ACOX1: variants seen among roughly 807,000 people sequenced by gnomAD.
ACOX1 encodes peroxisomal acyl-coenzyme A oxidase 1.
In ACOX1, 41 loss-of-function variants were observed where a neutral mutation model predicts 75.5. The ratio of observed to expected loss-of-function variants is 0.54; its 90% CI spans 0.42 to 0.70. ACOX1 has a LOEUF of 0.70. Among genes scored for constraint, ACOX1 ranks in the 30% least tolerant of loss-of-function variants. The pLI is 0.00. For missense variants in ACOX1, 630 were observed against 837.5 expected (o/e 0.75, Z 3.06); for synonymous variants, 303 against 298.8 (o/e 1.01, Z -0.15).
In ACOX1 at chr17:75,968,156, G is replaced by A. The variant is rs192513634; in HGVS notation, c.270-7781C>T. Among the ~76,000 whole-genome samples, 35 of 151,172 alleles carry A rather than the reference G, an allele frequency of 2.3e-4. No individual in the cohort carries two copies. In the East Asian group the frequency reaches 6.7e-3, roughly 29 times the overall value. ...AAGTGTTAGAAATATATTAAAGTAGGCCAAGTGCAGTGGCTCACGCCTGTA... is the reference window on the plus strand; with the variant it reads ...AAGTGTTAGAAATATATTAAAGTAGACCAAGTGCAGTGGCTCACGCCTGTA... On this transcript the variant is annotated intron_variant, in intron 2 of 13. Transcript: ENST00000293217.
rs568893695 is a variant in ACOX1, at chr17:75,949,262, C to T, written c.1683G>A (p.Leu561=). 4.3e-6 allele frequency: 7 copies of T among 1,614,216 alleles called. No individual in the cohort carries two copies. In the East Asian group the frequency reaches 1.6e-4, roughly 36 times the overall value. ...TCTGACTGATTCCATACAGAGAATA[C>T]AGCAGACATAAACTCCTTAAGACAG... The part of the protein sequence containing the change: ...IQAVLRSLCL[L]YSLYGISQNA... Residue 561 remains leucine, a synonymous_variant, in exon 12 of 14, where the codon CTG becomes CTA. Transcript: ENST00000293217.
At chr17:75,969,564 G>A (rs992564856) in intron 2 of ACOX1, among the ~76,000 whole-genome samples, 2 of 152,164 alleles carry the variant, frequency 1.3e-5, no homozygotes, top group African/African-American at 2.4e-5. Context: ...GTCCAACAGG[G>A]AAGAGAATCA....
intron 4 of ACOX1, among the ~76,000 whole-genome samples, chr17:75,956,547 G>C (rs1011947238): frequency 6.6e-6 from 1 of 151,852 alleles, no homozygotes; most frequent in Non-Finnish European, 1.5e-5. Context: ...AATTAGTTGG[G>C]TGTGGTGGCA....
chr17:75,953,483 G>A lies in ACOX1; in HGVS notation c.912C>T (p.Ser304=), dbSNP rs144826451. ...TGATTTCAGACTGGTGCCTCACAGC[G>A]CTGTATCGGATGGCAATGGTGCACG... is the stretch of plus-strand genomic sequence containing the variant. ...SKACTIAIRY[S]AVRHQSEIKP... The change falls in exon 7 of 14, where the codon AGC becomes AGT. Residue 304 remains serine (S), a synonymous_variant. Transcript: ENST00000293217. 70 of 1,613,866 alleles carry A rather than the reference G, an allele frequency of 4.3e-5. No individual in the cohort carries two copies. The highest frequency in any genetic ancestry group is 1.6e-4 in the Middle Eastern group (1 of 6,082).
chr17:75,954,667 G>A (rs888252418), intron 6 of ACOX1, among the ~76,000 whole-genome samples: 2 of 146,820 alleles, frequency 1.4e-5, no homozygotes, highest in Non-Finnish European at 3.0e-5. Context: ...TGCCTCCTGG[G>A]TTCAAGCGAT....
In ACOX1 at chr17:75,959,072, A is replaced by T. The variant is rs570228690; in HGVS notation, c.430+1143T>A. Among the ~76,000 whole-genome samples the T allele has an allele frequency of 1.5e-3, 230 of 152,320 alleles. 4 individuals carry two copies. Among genetic ancestry groups the T allele is most frequent in the Admixed American group, 0.013 (206 of 15,284 alleles). ...AAATTATTTGAAAAGAGTCATAGAA[A>T]AATGTTCTAGGTGGCAGTCTCTACA... On this transcript the variant is annotated intron_variant, in intron 3 of 13. Transcript: ENST00000293217.
intron 2 of ACOX1, among the ~76,000 whole-genome samples, chr17:75,976,400 C>G (rs532000094): frequency 6.6e-6 from 1 of 152,154 alleles, no homozygotes; most frequent in East Asian, 1.9e-4. Context: ...ACTGCACCAC[C>G]CATTCAAACA....
At chr17:75,948,568 T>G in intron 12 of ACOX1, 111 bp from the exon 13 acceptor site, 1 of 1,042,708 alleles carries the variant, frequency 9.6e-7, no homozygotes, top group Non-Finnish European at 1.4e-6. Flanking sequence ...CTTTTTTTTT[T>G]TTTGAGACTG....
At chr17:75,965,447 T>C (rs1248816241) in intron 2 of ACOX1, among the ~76,000 whole-genome samples, 1 of 150,218 alleles carries the variant, frequency 6.7e-6, no homozygotes, top group Non-Finnish European at 1.5e-5. Context: ...AAGGCTTCAA[T>C]ATAAAACTAA....
At position 75,943,049 on chromosome 17, in the gene ACOX1, A is replaced by C. The variant is rs2065687023; in HGVS notation, c.*3699T>G. 6.6e-6 allele frequency: 1 copy of C among 152,042 alleles called. No homozygotes were observed. The highest frequency in any genetic ancestry group is 2.1e-4 in the South Asian group (1 of 4,804). 9.4% of individuals were successfully genotyped at this position (152,042 alleles called of 1,614,324 possible). A position where few individuals can be genotyped will look rare whatever the true frequency, so the allele number is the denominator to read the frequency against. On this transcript the variant is annotated 3_prime_UTR_variant, in exon 14 of 14. Coordinates refer to ENST00000293217, the MANE Select transcript of ACOX1 (RefSeq NM_004035.7). ...GCAGATCACCTGGCCAACATGGTGA[A>C]ACTCCATCTCTGCTCAAAATACAAA...
At chr17:75,956,936 T>C (rs1364307204) in intron 4 of ACOX1, among the ~76,000 whole-genome samples, 1 of 28,210 alleles carries the variant, frequency 3.5e-5, no homozygotes, top group Non-Finnish European at 5.5e-5. Flanking sequence ...TCTCTCTCTC[T>C]CTCTCTCTCT....
chr17:75,959,656 T>C (rs1317125094), intron 3 of ACOX1, among the ~76,000 whole-genome samples: 1 of 152,130 alleles, frequency 6.6e-6, no homozygotes, highest in Non-Finnish European at 1.5e-5. Flanking sequence ...TGAAACCAAA[T>C]GCCTGCAAGT....
At chr17:75,954,227 A>C (rs2065801321) in intron 6 of ACOX1, among the ~76,000 whole-genome samples, 1 of 150,598 alleles carries the variant, frequency 6.6e-6, no homozygotes, top group Non-Finnish European at 1.5e-5. Context: ...AAAAAAAAAA[A>C]AAACCAAAAA....
chr17:75,971,232 G>A (rs1356560191), intron 2 of ACOX1, among the ~76,000 whole-genome samples: 6 of 150,946 alleles, frequency 4.0e-5, no homozygotes, highest in African/African-American at 9.7e-5. Context: ...CGGAGGTTGC[G>A]GGGAGCCGAG....
chr17:75,967,228 T>C (rs2065940552), intron 2 of ACOX1, among the ~76,000 whole-genome samples: 2 of 152,096 alleles, frequency 1.3e-5, no homozygotes, highest in Admixed American at 6.6e-5. Context: ...CCTAGCACTT[T>C]GGGAGACCGA....
intron 2 of ACOX1, among the ~76,000 whole-genome samples, chr17:75,976,910 A>G (rs996233934): frequency 6.6e-6 from 1 of 152,052 alleles, no homozygotes; most frequent in African/African-American, 2.4e-5. Context: ...CCAGGAATAA[A>G]TGAGAAAAAA....
intron 13 of ACOX1, 123 bp from the exon 14 acceptor site, chr17:75,946,918 G>T: frequency 1.2e-6 from 1 of 859,482 alleles, no homozygotes; most frequent in Non-Finnish European, 1.9e-6. Context: ...GCTCAGGCTG[G>T]AGTGCAGTGG....
intron 2 of ACOX1, among the ~76,000 whole-genome samples, chr17:75,962,483 T>C (rs1385105069): frequency 6.6e-6 from 1 of 152,188 alleles, no homozygotes; most frequent in African/African-American, 2.4e-5. Context: ...AACTCCATAT[T>C]GCTCTTATCA....
intron 2 of ACOX1, among the ~76,000 whole-genome samples, chr17:75,975,845 T>C (rs137877855): frequency 5.6e-3 from 614 of 108,904 alleles, no homozygotes; most frequent in African/African-American, 0.021. Flanking sequence ...TGGAAATAAA[T>C]GGAAATGCAG....
Sources: gnomAD v4.1 joint callset for allele counts (sites outside exome capture counted in the v4.1 genomes callset) on GRCh38, gnomAD v4.1.1 for gene constraint, MANE v1.5 for transcripts, NCBI Gene and HGNC (gene_info 2026-07-23, HGNC 2026-07-21) for gene names.